PKP4: variants seen among roughly 807,000 people sequenced by gnomAD.
PKP4 encodes the protein plakophilin 4, also known as plakophilin-4.
A neutral mutation model predicts 145.1 loss-of-function variants in PKP4; 90 were observed. The observed-to-expected ratio is 0.62, with a 90% CI of 0.52 to 0.74. The LOEUF is 0.74. PKP4 is among the 30% of genes least tolerant of loss of function. The pLI, the probability that PKP4 is intolerant of heterozygous loss-of-function variation, is 0.00. For synonymous variants in PKP4, 563 were observed against 577.2 expected, an observed-to-expected ratio of 0.98 and a Z score of 0.35; for missense variants, 1,340 against 1,482.7, an observed-to-expected ratio of 0.90 and a Z score of 1.58.
At position 158,669,771 on chromosome 2, in the gene PKP4, CCA is replaced by C; in HGVS notation, c.2781_2782del (p.Ser928CysfsTer4). The C allele has an allele frequency of 6.2e-7, 1 of 1,609,796 alleles. No homozygotes were observed. The highest frequency in any genetic ancestry group is 8.5e-7 in the Non-Finnish European group (1 of 1,177,076). Reference sequence around the variant, plus strand: ...AACCGGCTCCCCGGCGGCAATGGCCCCAGTGTCTTGTCTGATGAGACCATGGC... The same window carrying C: ...AACCGGCTCCCCGGCGGCAATGGCCCGTGTCTTGTCTGATGAGACCATGGC... On this transcript the variant is annotated frameshift_variant, in exon 17 of 22. Transcript: ENST00000389759. LOFTEE classifies it high-confidence loss of function.
chr2:158,506,343 T>C (rs1359514018), intron 1 of PKP4, among the ~76,000 whole-genome samples: 1 of 152,132 alleles, frequency 6.6e-6, no homozygotes, highest in Non-Finnish European at 1.5e-5. Context: ...GTATCAGTGC[T>C]CCCTCCCAAG....
At chr2:158,498,814 GTTTT>G (rs34272669) in intron 1 of PKP4, among the ~76,000 whole-genome samples, 2 of 131,166 alleles carry the variant, frequency 1.5e-5, no homozygotes, top group African/African-American at 2.8e-5. Context: ...GGTTGTGAGT[GTTTT>G]TTTTTTTTTT....
intron 2 of PKP4, among the ~76,000 whole-genome samples, chr2:158,561,793 CTTTTT>C (rs758042959): frequency 1.4e-5 from 2 of 145,276 alleles, no homozygotes; most frequent in African/African-American, 5.1e-5. Flanking sequence ...TCAAGTCAGT[CTTTTT>C]TTTTTTTTAA....
intron 3 of PKP4, among the ~76,000 whole-genome samples, chr2:158,595,967 T>C (rs183734179): frequency 6.6e-6 from 1 of 151,974 alleles, no homozygotes. Context: ...GATAACAAGG[T>C]GTTAAGTAAT....
intron 1 of PKP4, among the ~76,000 whole-genome samples, chr2:158,523,447 A>G (rs900567503): frequency 2.2e-4 from 17 of 77,620 alleles, no homozygotes; most frequent in African/African-American, 7.6e-4. Flanking sequence ...AAAACTAACA[A>G]ACAGAAAGGA....
intron 11 of PKP4, among the ~76,000 whole-genome samples, chr2:158,654,432 G>C (rs1218169079): frequency 1.3e-5 from 2 of 152,140 alleles, no homozygotes; most frequent in Non-Finnish European, 2.9e-5. Flanking sequence ...TTGACTAAAA[G>C]ATAGCATAGT....
At chr2:158,495,022 GC>G (rs1695476179) in intron 1 of PKP4, among the ~76,000 whole-genome samples, 1 of 151,510 alleles carries the variant, frequency 6.6e-6, no homozygotes, top group Non-Finnish European at 1.5e-5. Context: ...TTCGAGAGCA[GC>G]CTGGCCAACA....
chr2:158,585,135 A>G (rs1025146625), intron 3 of PKP4, among the ~76,000 whole-genome samples: 1 of 152,148 alleles, frequency 6.6e-6, no homozygotes, highest in Non-Finnish European at 1.5e-5. Flanking sequence ...TTGAAATTTG[A>G]TTATCCTGTT....
At chr2:158,654,796 T>TC (rs1263782974) in intron 11 of PKP4, among the ~76,000 whole-genome samples, 1 of 152,132 alleles carries the variant, frequency 6.6e-6, no homozygotes, top group East Asian at 1.9e-4. Flanking sequence ...AAGCCAAGTC[T>TC]GATAGGTAGG....
intron 3 of PKP4, among the ~76,000 whole-genome samples, chr2:158,591,850 A>T (rs2049301375): frequency 6.6e-6 from 1 of 152,102 alleles, no homozygotes; most frequent in South Asian, 2.1e-4. Flanking sequence ...ACAGGGAGAA[A>T]AAAGAGGGAA....
intron 11 of PKP4, among the ~76,000 whole-genome samples, chr2:158,644,414 C>T (rs1485516163): frequency 6.6e-6 from 1 of 152,138 alleles, no homozygotes; most frequent in East Asian, 1.9e-4. Context: ...TGAGATTGAG[C>T]TGGAAGAATG....
intron 2 of PKP4, among the ~76,000 whole-genome samples, chr2:158,572,923 C>T (rs1056652231): frequency 2.0e-5 from 3 of 152,176 alleles, no homozygotes; most frequent in Admixed American, 2.0e-4. Flanking sequence ...ATTAGTACAA[C>T]TACTTTGAAA....
At chr2:158,498,812 G>GTGTTT in intron 1 of PKP4, among the ~76,000 whole-genome samples, 1 of 138,094 alleles carries the variant, frequency 7.2e-6, no homozygotes, top group Non-Finnish European at 1.5e-5. Context: ...TGGGTTGTGA[G>GTGTTT]TGTTTTTTTT....
intron 3 of PKP4, among the ~76,000 whole-genome samples, chr2:158,586,306 T>C (rs557024954): frequency 1.2e-4 from 18 of 152,308 alleles, no homozygotes; most frequent in Non-Finnish European, 2.5e-4. Context: ...CAAAGGGAGA[T>C]TCCCCTTGGC....
intron 1 of PKP4, among the ~76,000 whole-genome samples, chr2:158,495,193 A>T (rs1695504473): frequency 6.6e-6 from 1 of 151,810 alleles, no homozygotes. Context: ...ATTGCAGCCC[A>T]GGTGACAGTG....
At chr2:158,618,177 A>G (rs938843755) in intron 4 of PKP4, among the ~76,000 whole-genome samples, 1 of 152,226 alleles carries the variant, frequency 6.6e-6, no homozygotes, top group Non-Finnish European at 1.5e-5. Flanking sequence ...CCGTCTCAAA[A>G]AAAAGAAAAA....
chr2:158,626,617 T>C (rs1336780616), intron 7 of PKP4, among the ~76,000 whole-genome samples: 1 of 152,200 alleles, frequency 6.6e-6, no homozygotes, highest in African/African-American at 2.4e-5. Flanking sequence ...GGATTTATAT[T>C]TCTGCCAGTA....
intron 1 of PKP4, among the ~76,000 whole-genome samples, chr2:158,487,589 T>C (rs1457701030): frequency 6.6e-6 from 1 of 152,228 alleles, no homozygotes; most frequent in Non-Finnish European, 1.5e-5. Flanking sequence ...GTAAAATGTT[T>C]ATATAATTAT....
At chr2:158,498,184 G>A (rs1288206865) in intron 1 of PKP4, among the ~76,000 whole-genome samples, 3 of 151,956 alleles carry the variant, frequency 2.0e-5, no homozygotes, top group Admixed American at 2.0e-4. Context: ...TTGAGATGGG[G>A]TCTTACTATG....
Sources: gnomAD v4.1 joint callset for allele counts (sites outside exome capture counted in the v4.1 genomes callset) on GRCh38, gnomAD v4.1.1 for gene constraint, MANE v1.5 for transcripts, NCBI Gene and HGNC (gene_info 2026-07-23, HGNC 2026-07-21) for gene names.